The following MYH11 variants were observed in gnomAD, a reference collection of about 807,000 sequenced individuals.
MYH11 encodes myosin heavy chain 11, also known as myosin-11.
A neutral mutation model predicts 246.6 loss-of-function variants in MYH11; 80 were observed. The observed-to-expected ratio is 0.32, with a 90% CI of 0.27 to 0.39. MYH11 has a LOEUF of 0.39. Ranked by LOEUF, MYH11 falls within the 10% of genes least tolerant of loss-of-function variation. The probability of loss-of-function intolerance (pLI) is 1.00; values close to 1 mark genes in which losing one functional copy is unlikely to be tolerated. For missense variants in MYH11, 2,158 were observed against 2,546.8 expected (o/e 0.85, Z 3.29); for synonymous variants, 1,071 against 1,015.5 (o/e 1.05, Z -1.04).
At chr16:15,829,271 G>C in intron 2 of MYH11, among the ~76,000 whole-genome samples, 1 of 152,174 alleles carries the variant, frequency 6.6e-6, no homozygotes, top group East Asian at 1.9e-4. Context: ...TCTGAAAGAG[G>C]AATATGACTT....
chr16:15,704,655 GAC>G (rs2039352532), intron 40 of MYH11, among the ~76,000 whole-genome samples: 2 of 152,160 alleles, frequency 1.3e-5, no homozygotes, highest in African/African-American at 2.4e-5. Flanking sequence ...CCTTGAGAAG[GAC>G]ACAGAGGGGC....
At chr16:15,805,499 A>G (rs1415693114) in intron 3 of MYH11, among the ~76,000 whole-genome samples, 1 of 152,238 alleles carries the variant, frequency 6.6e-6, no homozygotes, top group African/African-American at 2.4e-5. Flanking sequence ...ATTGGTAAAA[A>G]TTATGGACTT....
Position 15,750,425 on chromosome 16 carries a change from A to G in MYH11, c.1865-94T>C, listed in dbSNP as rs980450629. On this transcript the variant is annotated intron_variant, in intron 15 of 40. Coordinates refer to ENST00000300036, the MANE Select transcript of MYH11 (RefSeq NM_002474.3). The surrounding 1 kb of genome is among the most constrained non-coding windows in gnomAD (Gnocchi z 4.3). The stretch of plus-strand genomic sequence containing the variant: ...CCCAGCCCCACCCACCAACCTGCCC[A>G]CTCCAATCTTTCCTTCCATCACCAA... 2.4e-6 allele frequency: 3 copies of G among 1,232,898 alleles called. No individual in the cohort carries two copies. Among genetic ancestry groups the G allele is most frequent in the Non-Finnish European group, 3.4e-6 (3 of 875,266 alleles). The allele number at this position is 1,232,898 out of a possible 1,614,324, so 76.4% of individuals were successfully genotyped here.
rs778073237 is a variant in MYH11, at chr16:15,759,621, A to T, written c.1356T>A (p.Ala452=). Residue 452 remains alanine (A), a synonymous_variant, in exon 12 of 41, where the codon GCT becomes GCA. Transcript: ENST00000300036. ...KALDKTHRQG[A]SFLGILDIAG... ...CTATATCCAGGATCCCCAGGAAGGA[A>T]GCCCCTTGCCGATGGGTCTTGTCCA... 33 of 1,614,096 alleles carry T rather than the reference A, an allele frequency of 2.0e-5. No homozygotes were observed. Among genetic ancestry groups the T allele is most frequent in the Non-Finnish European group, 2.7e-5 (32 of 1,180,046 alleles).
intron 10 of MYH11, 55 bp downstream of exon 10, chr16:15,763,741 T>TCGCCCCCCCCCCCCCCCCC: frequency 1.5e-6 from 1 of 646,860 alleles, no homozygotes; most frequent in Admixed American, 2.1e-5. Flanking sequence ...AAATGTCACC[T>TCGCCCCCCCCCCCCCCCCC]CCCCCACCCC....
chr16:15,738,494 C>A (rs1033282854), intron 24 of MYH11, 71 bp downstream of exon 24: 1 of 1,448,174 alleles, frequency 6.9e-7, no homozygotes, highest in Non-Finnish European at 9.4e-7. Context: ...GCCTGGGCAA[C>A]AGAGCAAGAC....
intron 3 of MYH11, among the ~76,000 whole-genome samples, chr16:15,807,602 A>AGCC (rs1180183423): frequency 6.6e-6 from 1 of 152,050 alleles, no homozygotes; most frequent in African/African-American, 2.4e-5. Context: ...CACAGTACCG[A>AGCC]GCCTCCGTGG....
chr16:15,766,832 C>A (rs533177689), intron 9 of MYH11, among the ~76,000 whole-genome samples: 9 of 152,236 alleles, frequency 5.9e-5, no homozygotes, highest in East Asian at 1.9e-4. Context: ...AAGAGATGAA[C>A]CTTGGGGCAG....
In MYH11 at chr16:15,715,251, C is replaced by T. The variant is rs2040061506; in HGVS notation, c.5526G>A (p.Lys1842=). 1 of 1,613,986 alleles carries T rather than the reference C, an allele frequency of 6.2e-7. No individual in the cohort carries two copies. The highest frequency in any genetic ancestry group is 1.3e-5 in the African/African-American group (1 of 74,910). The change falls in exon 39 of 41, where the codon AAG becomes AAA. Residue 1842 remains lysine, a synonymous_variant. Transcript: ENST00000300036. The part of the protein sequence containing the change: ...QEAREKQAAT[K]SLKQKDKKLK... ...GCTTCTTGTCTTTCTGCTTCAGCGACTTGGTGGCCGCCTGTTTCTCTCTGC... is the reference window on the plus strand; with the variant it reads ...GCTTCTTGTCTTTCTGCTTCAGCGATTTGGTGGCCGCCTGTTTCTCTCTGC...
intron 10 of MYH11, 56 bp downstream of exon 10, chr16:15,763,740 C>T (rs1259519403): frequency 8.3e-6 from 6 of 725,296 alleles, no homozygotes; most frequent in Non-Finnish European, 1.5e-5. Flanking sequence ...TAAATGTCAC[C>T]TCCCCCACCC....
intron 2 of MYH11, among the ~76,000 whole-genome samples, chr16:15,829,271 G>A (rs775506506): frequency 4.6e-4 from 70 of 152,290 alleles, no homozygotes; most frequent in Non-Finnish European, 8.8e-4. Flanking sequence ...TCTGAAAGAG[G>A]AATATGACTT....
rs528017990 is a variant in MYH11, at chr16:15,842,776, A to G, written c.-17-4507T>C. On this transcript the variant is annotated intron_variant, in intron 1 of 40. Transcript: ENST00000300036. Reference sequence around the variant, plus strand: ...AAGACTTCATCCAAAAAAAAAAAAAAAAAAAAAAAAAAAAGGGCAGAGAAA... The same window carrying G: ...AAGACTTCATCCAAAAAAAAAAAAAGAAAAAAAAAAAAAAGGGCAGAGAAA... Among the ~76,000 whole-genome samples, 59 of 149,176 alleles carry G rather than the reference A, an allele frequency of 4.0e-4. No homozygotes were observed. The East Asian group carries it at 0.011, about 28-fold the overall frequency.
intron 5 of MYH11, 67 bp from the exon 6 acceptor site, chr16:15,782,544 G>T: frequency 1.5e-6 from 2 of 1,306,360 alleles, no homozygotes; most frequent in Non-Finnish European, 1.1e-6. Context: ...ACCTTGGATG[G>T]ATGTTGTCAC....
chr16:15,759,619 G>C lies in MYH11; in HGVS notation c.1358C>G (p.Ser453Cys), dbSNP rs1382664749. The change falls in exon 12 of 41, where the codon TCC (serine) becomes TGC (cysteine). Residue 453 changes from serine (S) to cysteine (C), a missense_variant. Ser to Cys is a moderately radical substitution (Grantham distance 112, BLOSUM62 -1). Around this residue, in one of 11 missense-constraint regions of MYH11, gnomAD observed 317 missense variants for 507.7 expected, o/e 0.62. Transcript: ENST00000300036. ...ALDKTHRQGA[S>C]FLGILDIAGF... ...AGCTATATCCAGGATCCCCAGGAAG[G>C]AAGCCCCTTGCCGATGGGTCTTGTC... is the stretch of plus-strand genomic sequence containing the variant. The C allele has an allele frequency of 1.2e-6, 2 of 1,614,064 alleles. No homozygotes were observed. The highest frequency in any genetic ancestry group is 1.7e-6 in the Non-Finnish European group (2 of 1,180,050).
intron 3 of MYH11, among the ~76,000 whole-genome samples, chr16:15,806,109 T>A (rs28735564): frequency 0.096 from 14,543 of 151,064 alleles, 860 homozygotes; most frequent in Non-Finnish European, 0.11. Context: ...AAACCCCGTC[T>A]CTACTAAAAA....
chr16:15,779,090 G>C, intron 6 of MYH11: 4 of 616,142 alleles, frequency 6.5e-6, no homozygotes, highest in Non-Finnish European at 1.2e-5. Context: ...TTCGGCTTTT[G>C]CAATGACCGT....
At chr16:15,801,454 C>G (rs754079186) in intron 3 of MYH11, among the ~76,000 whole-genome samples, 1 of 151,508 alleles carries the variant, frequency 6.6e-6, no homozygotes, top group Non-Finnish European at 1.5e-5. Context: ...CCAGGAGTTC[C>G]AGACCAGCCT....
At chr16:15,780,188 C>A (rs369927566) in intron 6 of MYH11, among the ~76,000 whole-genome samples, 1 of 152,074 alleles carries the variant, frequency 6.6e-6, no homozygotes, top group Non-Finnish European at 1.5e-5. Flanking sequence ...AACATGCAAA[C>A]GCAGTGCTTC....
chr16:15,717,270 G>C lies in MYH11; in HGVS notation c.5374C>G (p.Arg1792Gly). The C allele has an allele frequency of 6.2e-7, 1 of 1,613,856 alleles. No homozygotes were observed. The highest frequency in any genetic ancestry group is 1.3e-5 in the African/African-American group (1 of 75,038). The change falls in exon 38 of 41, where the codon CGG (arginine) becomes GGG (glycine). Residue 1792 changes from arginine (R) to glycine (G), a missense_variant. Physicochemically the swap from Arg to Gly is moderately radical, Grantham distance 125 (BLOSUM62 -2). Transcript: ENST00000300036. ...TTGCTCCGGAGCTCCTTGTTCTGCCGCTCGAGCTGCTGCCGGGCACTCTCA... is the reference window on the plus strand; with the variant it reads ...TTGCTCCGGAGCTCCTTGTTCTGCCCCTCGAGCTGCTGCCGGGCACTCTCA... The part of the protein sequence containing the change: ...KNESARQQLE[R>G]QNKELRSKLH...
Sources: gnomAD v4.1 joint callset for allele counts (sites outside exome capture counted in the v4.1 genomes callset) on GRCh38, gnomAD v4.1.1 for gene constraint, gnomAD v4.1.1 regional missense constraint, Gnocchi (gnomAD v3.1) non-coding constraint, MANE v1.5 for transcripts, NCBI Gene and HGNC (gene_info 2026-07-23, HGNC 2026-07-21) for gene names.